Variants in FAT1 observed in about 807,000 individuals in gnomAD.
FAT1 encodes the protein protocadherin Fat 1.
FAT1 carries 171 observed loss-of-function variants against 329.8 expected under a neutral mutation model. The observed-to-expected ratio is 0.52, with a 90% CI of 0.46 to 0.59. The LOEUF is 0.59. Among genes scored for constraint, FAT1 ranks in the 20% least tolerant of loss-of-function variants. The probability of loss-of-function intolerance (pLI) is 0.00; values close to 1 mark genes in which losing one functional copy is unlikely to be tolerated. For missense variants in FAT1, 5,672 were observed against 5,774.4 expected (o/e 0.98, Z 0.57); for synonymous variants, 2,233 against 2,228.6 (o/e 1.00, Z -0.06).
At position 186,707,736 on chromosome 4, in the gene FAT1, C is replaced by T. The variant is rs1420808439; in HGVS notation, c.2092G>A (p.Glu698Lys). 1 of 1,613,774 alleles carries T rather than the reference C, an allele frequency of 6.2e-7. No individual in the cohort carries two copies. Among genetic ancestry groups the T allele is most frequent in the Non-Finnish European group, 8.5e-7 (1 of 1,179,888 alleles). ...LQANKLHNQGEVEDIFFDSHS... is the reference protein window; with the variant it reads ...LQANKLHNQGKVEDIFFDSHS... ...GAATCGAAGAAAATATCCTCCACCT[C>T]TCCCTGGTTGTGTAATTTATTTGCC... Residue 698 changes from glutamate to lysine, a missense_variant, in exon 2 of 27, where the codon GAG becomes AAG. Glu to Lys is a moderately conservative substitution (Grantham distance 56). Transcript: ENST00000441802.
At chr4:186,701,734 G>A (rs968841505) in intron 2 of FAT1, among the ~76,000 whole-genome samples, 9 of 152,182 alleles carry the variant, frequency 5.9e-5, no homozygotes, top group Non-Finnish European at 1.0e-4. Flanking sequence ...GGGATCCCAG[G>A]ATGTAAGTAA....
rs576720151 is a variant in FAT1, at chr4:186,656,449, G to C, written c.3580+6850C>G. Among the ~76,000 whole-genome samples, 4 of 152,344 alleles carry C rather than the reference G, an allele frequency of 2.6e-5. No individual in the cohort carries two copies. The East Asian group carries it at 7.7e-4, about 29-fold the overall frequency. On this transcript the variant is annotated intron_variant, in intron 3 of 26. Transcript: ENST00000441802. ...GGAGAACTGGGTGAAAGTAAAACCT[G>C]ACTGGGTATCTTCCTGTACTATTTG...
Position 186,604,500 on chromosome 4 carries a change from G to C in FAT1, c.10425C>G (p.Pro3475=), listed in dbSNP as rs770060064. 3 of 1,613,696 alleles carry C rather than the reference G, an allele frequency of 1.9e-6. No homozygotes were observed. Among genetic ancestry groups the C allele is most frequent in the African/African-American group, 1.3e-5 (1 of 74,920 alleles). The part of the protein sequence containing the change: ...TDEDSSHNGP[P]FFFTIVTGND... Reference sequence around the variant, plus strand: ...TTCCAGTTACAATAGTAAAGAAGAAGGGTGGACCGTTATGGGAAGAATCCT... The same window carrying C: ...TTCCAGTTACAATAGTAAAGAAGAACGGTGGACCGTTATGGGAAGAATCCT... The change falls in exon 18 of 27, where the codon CCC becomes CCG. Residue 3475 remains proline, a synonymous_variant. Transcript: ENST00000441802.
intron 2 of FAT1, among the ~76,000 whole-genome samples, chr4:186,684,975 T>C (rs988417834): frequency 6.6e-5 from 10 of 152,158 alleles, no homozygotes; most frequent in Non-Finnish European, 5.9e-5. Flanking sequence ...GCATGAAACA[T>C]TATCTAAAGG....
intron 6 of FAT1, among the ~76,000 whole-genome samples, chr4:186,634,317 A>T (rs1025351070): frequency 2.0e-5 from 3 of 152,108 alleles, no homozygotes; most frequent in African/African-American, 7.2e-5. Context: ...TTTGAAAAGA[A>T]TTTTTTTTCT....
chr4:186,712,212 G>A (rs1235649696), intron 1 of FAT1, among the ~76,000 whole-genome samples: 1 of 152,304 alleles, frequency 6.6e-6, no homozygotes, highest in Non-Finnish European at 1.5e-5. Flanking sequence ...GAGGAGAAGG[G>A]GGGTAGATAC....
At chr4:186,611,935 T>C (rs1337712649) in intron 13 of FAT1, among the ~76,000 whole-genome samples, 160 bp from the exon 14 acceptor site, 1 of 151,754 alleles carries the variant, frequency 6.6e-6, no homozygotes, top group Non-Finnish European at 1.5e-5. Context: ...GCAATTCTCC[T>C]GCCTCAGCCT....
intron 2 of FAT1, among the ~76,000 whole-genome samples, chr4:186,689,366 G>A (rs75622687): frequency 0.016 from 2,487 of 152,182 alleles, 79 homozygotes; most frequent in East Asian, 0.09. Flanking sequence ...TGATTTACTC[G>A]GAATTTTACA....
At chr4:186,637,506 T>G (rs1362429715) in intron 4 of FAT1, among the ~76,000 whole-genome samples, 1 of 152,216 alleles carries the variant, frequency 6.6e-6, no homozygotes, top group Non-Finnish European at 1.5e-5. Context: ...GACCTAAACA[T>G]TTAAATTTAA....
At chr4:186,691,422 A>T (rs1579455523) in intron 2 of FAT1, among the ~76,000 whole-genome samples, 1 of 152,238 alleles carries the variant, frequency 6.6e-6, no homozygotes, top group African/African-American at 2.4e-5. Flanking sequence ...TCTCTACATT[A>T]GGTTTCTAAC....
intron 2 of FAT1, among the ~76,000 whole-genome samples, chr4:186,703,470 T>C (rs746396130): frequency 5.3e-5 from 8 of 152,204 alleles, no homozygotes; most frequent in Non-Finnish European, 1.0e-4. Context: ...ATACACATAT[T>C]TGACTAGGTT....
At chr4:186,667,682 C>G (rs1046808286) in intron 2 of FAT1, among the ~76,000 whole-genome samples, 6 of 152,192 alleles carry the variant, frequency 3.9e-5, no homozygotes, top group African/African-American at 9.6e-5. Flanking sequence ...GTCCACCAAT[C>G]ACGTCACTAG....
chr4:186,664,344 T>C (rs1239880311), intron 2 of FAT1, among the ~76,000 whole-genome samples: 1 of 152,088 alleles, frequency 6.6e-6, no homozygotes, highest in Non-Finnish European at 1.5e-5. Flanking sequence ...TAAACTACAC[T>C]ATAAACTCCA....
rs1226020311 is a variant in FAT1, at chr4:186,618,352, C to G, written c.8234G>C (p.Ser2745Thr). Residue 2745 changes from serine to threonine, a missense_variant, in exon 10 of 27, where the codon AGC becomes ACC. Ser to Thr is a moderately conservative substitution (Grantham distance 58, BLOSUM62 1). This residue lies in a region of FAT1 where 3,966 missense variants were observed against 3,915.2 expected (regional missense o/e 1.01). Coordinates refer to ENST00000441802, the MANE Select transcript of FAT1 (RefSeq NM_005245.4). ...AATCACAAAGGACTCATCCCTATTG[C>G]TTTCTGGAGTATTCCCTTTGACCAG... ...YSLVKGNTPE[S>T]NRDESFVIDR... The G allele has an allele frequency of 4.3e-6, 7 of 1,613,904 alleles. No homozygotes were observed. In the Admixed American group the frequency reaches 5.0e-5, roughly 12 times the overall value.
chr4:186,660,954 T>G (rs897818891), intron 3 of FAT1, among the ~76,000 whole-genome samples: 1 of 152,206 alleles, frequency 6.6e-6, no homozygotes, highest in Non-Finnish European at 1.5e-5. Context: ...CCAAAGGATA[T>G]TTCTTGCTTG....
chr4:186,593,844 T>C (rs529231080), intron 26 of FAT1, among the ~76,000 whole-genome samples: 16 of 152,242 alleles, frequency 1.1e-4, no homozygotes, highest in African/African-American at 3.4e-4. Context: ...CAAGTCTACA[T>C]TGTTTTAGGC....
intron 26 of FAT1, chr4:186,590,540 C>T: frequency 2.1e-6 from 1 of 486,382 alleles, no homozygotes; most frequent in Non-Finnish European, 3.9e-6. Context: ...GTCCTTACGC[C>T]AGTATCTATG....
At chr4:186,674,368 T>C (rs939719689) in intron 2 of FAT1, among the ~76,000 whole-genome samples, 4 of 152,196 alleles carry the variant, frequency 2.6e-5, no homozygotes, top group African/African-American at 9.7e-5. Flanking sequence ...TTATCCAACT[T>C]TGGTAGCAGA....
At position 186,709,032 on chromosome 4, in the gene FAT1, C is replaced by T. The variant is rs760240029; in HGVS notation, c.796G>A (p.Glu266Lys). 1 of 1,614,022 alleles carries T rather than the reference C, an allele frequency of 6.2e-7. No individual in the cohort carries two copies. The highest frequency in any genetic ancestry group is 8.5e-7 in the Non-Finnish European group (1 of 1,179,894). ...GCATATGCTGGGTCCCTGTCCAGTT[C>T]TGATGGTGACAATGTCACTGCTGTT... Reference protein sequence around the residue: ...VITAVTLSPSELDRDPAYAIV... With the variant: ...VITAVTLSPSKLDRDPAYAIV... Residue 266 changes from glutamate to lysine, a missense_variant, in exon 2 of 27, where the codon GAA (glutamate) becomes AAA (lysine). This residue lies in a region of FAT1 where 3,966 missense variants were observed against 3,915.2 expected (regional missense o/e 1.01). Transcript: ENST00000441802.
Sources: gnomAD v4.1 joint callset for allele counts (sites outside exome capture counted in the v4.1 genomes callset) on GRCh38, gnomAD v4.1.1 for gene constraint, gnomAD v4.1.1 regional missense constraint, MANE v1.5 for transcripts, NCBI Gene and HGNC (gene_info 2026-07-23, HGNC 2026-07-21) for gene names.